The following CCNJ variants were observed in gnomAD, a reference collection of about 807,000 sequenced individuals.
CCNJ encodes the protein cyclin-J.
In CCNJ, 12 loss-of-function variants were observed where a neutral mutation model predicts 41.4. The observed-to-expected ratio is 0.29, with a 90% CI of 0.19 to 0.47. CCNJ has a LOEUF of 0.47. Among genes scored for constraint, CCNJ ranks in the 20% least tolerant of loss-of-function variants. The probability of loss-of-function intolerance (pLI) is 1.00; values close to 1 mark genes in which losing one functional copy is unlikely to be tolerated. For missense variants in CCNJ, 340 were observed against 464.6 expected (o/e 0.73, Z 2.47); for synonymous variants, 161 against 173.4 (o/e 0.93, Z 0.56).
intron 2 of CCNJ, among the ~76,000 whole-genome samples, chr10:96,048,023 G>A (rs936887170): frequency 1.4e-5 from 2 of 142,820 alleles, no homozygotes; most frequent in African/African-American, 5.2e-5. Flanking sequence ...CCACTTATAA[G>A]TGAGAACATG....
intron 3 of CCNJ, among the ~76,000 whole-genome samples, chr10:96,054,757 A>AT (rs974176253): frequency 5.9e-5 from 9 of 152,130 alleles, no homozygotes; most frequent in Middle Eastern, 3.4e-3. Flanking sequence ...GTCATATGCA[A>AT]TTTTTTTTCC....
intron 3 of CCNJ, among the ~76,000 whole-genome samples, chr10:96,055,089 G>A (rs2080644124): frequency 6.6e-6 from 1 of 152,098 alleles, no homozygotes; most frequent in Non-Finnish European, 1.5e-5. Flanking sequence ...GACCACTTTA[G>A]TGCTTTCAAC....
At chr10:96,047,144 T>G (rs764449558) in intron 2 of CCNJ, among the ~76,000 whole-genome samples, 1 of 152,188 alleles carries the variant, frequency 6.6e-6, no homozygotes, top group Non-Finnish European at 1.5e-5. Flanking sequence ...CTGCTAGAGA[T>G]AGGCTTGAGA....
At chr10:96,055,079 G>A (rs1414917) in intron 3 of CCNJ, among the ~76,000 whole-genome samples, 1 of 152,140 alleles carries the variant, frequency 6.6e-6, no homozygotes, top group African/African-American at 2.4e-5. Flanking sequence ...ATGTCATACA[G>A]ACCACTTTAG....
intron 3 of CCNJ, among the ~76,000 whole-genome samples, chr10:96,051,292 T>C (rs376443126): frequency 5.4e-4 from 82 of 152,352 alleles, no homozygotes; most frequent in African/African-American, 1.9e-3. Context: ...GTTGGTACTC[T>C]CACTGAAGAT....
At chr10:96,051,752 C>G (rs947062705) in intron 3 of CCNJ, among the ~76,000 whole-genome samples, 2 of 152,212 alleles carry the variant, frequency 1.3e-5, no homozygotes, top group Admixed American at 1.3e-4. Flanking sequence ...CTAATCTCTT[C>G]TCAGATTTTA....
rs762360873 is a variant in CCNJ at position 96,056,720 on chromosome 10, A to C, written c.300A>C (p.Glu100Asp). Residue 100 changes from glutamate to aspartate, a missense_variant, in exon 4 of 6, where the codon GAA becomes GAC. By Grantham distance (45) the Glu-to-Asp change is conservative (BLOSUM62 2). Around this residue, in one of 3 missense-constraint regions of CCNJ, gnomAD observed 137 missense variants for 252.9 expected, o/e 0.54. Coordinates refer to ENST00000465148, the MANE Select transcript of CCNJ (RefSeq NM_001134375.2). ...TATAAGGTAAATTTGAAGAAAAAGA[A>C]GACAGTGTGCCTAAGCTGGAGCAGC... Reference protein sequence around the residue: ...LLLASKFEEKEDSVPKLEQLN... With the variant: ...LLLASKFEEKDDSVPKLEQLN... 4 of 1,594,728 alleles carry C rather than the reference A, an allele frequency of 2.5e-6. No homozygotes were observed. The highest frequency in any genetic ancestry group is 3.4e-6 in the Non-Finnish European group (4 of 1,172,798).
rs1260246067 is a variant in CCNJ at position 96,056,979 on chromosome 10, T to C, written c.559T>C (p.Phe187Leu). 5.6e-6 allele frequency: 9 copies of C among 1,613,824 alleles called. No homozygotes were observed. Among genetic ancestry groups the C allele is most frequent in the Non-Finnish European group, 7.6e-6 (9 of 1,179,808 alleles). ...KLYMAKYADY[F>L]LEVSLQDYAF... ...CTACATGGCCAAATATGCAGATTAC[T>C]TCCTGGAAGTATCTTTGCAAGGTGG... is the stretch of plus-strand genomic sequence containing the variant. Residue 187 changes from phenylalanine to leucine, a missense_variant, in exon 4 of 6, where the codon TTC becomes CTC. Phe to Leu is a conservative substitution (Grantham distance 22, BLOSUM62 0). Around this residue, in one of 3 missense-constraint regions of CCNJ, gnomAD observed 137 missense variants for 252.9 expected, o/e 0.54. Transcript: ENST00000465148.
chr10:96,043,558 A>G (rs1351023242), upstream of CCNJ: 1 of 394,542 alleles, frequency 2.5e-6, no homozygotes, highest in Non-Finnish European at 4.5e-6. Context: ...CTGGCTTTGT[A>G]TGCGGAGCCG....
chr10:96,060,296 G>A lies in CCNJ; in HGVS notation c.*2055G>A, dbSNP rs1188158893. 1 of 152,608 alleles carries A rather than the reference G, an allele frequency of 6.6e-6. No homozygotes were observed. The highest frequency in any genetic ancestry group is 1.5e-5 in the Non-Finnish European group (1 of 68,044). 9.5% of individuals were successfully genotyped at this position (152,608 alleles called of 1,614,324 possible). A position where few individuals can be genotyped will look rare whatever the true frequency, so the allele number is the denominator to read the frequency against. On this transcript the variant is annotated 3_prime_UTR_variant, in exon 6 of 6. Coordinates refer to ENST00000465148, the MANE Select transcript of CCNJ (RefSeq NM_001134375.2). ...CAGCCAGTGCCTGTGGTAACTTAAT[G>A]TCTTGTCAAATACTTTTATTGATTG...
rs2080776206 is a variant in CCNJ at position 96,059,625 on chromosome 10, G to A, written c.*1384G>A. 1 of 152,512 alleles carries A rather than the reference G, an allele frequency of 6.6e-6. No homozygotes were observed. Among genetic ancestry groups the A allele is most frequent in the Non-Finnish European group, 1.5e-5 (1 of 68,030 alleles). 9.4% of individuals were successfully genotyped at this position (152,512 alleles called of 1,614,324 possible). On this transcript the variant is annotated 3_prime_UTR_variant, in exon 6 of 6. Transcript: ENST00000465148. Reference sequence around the variant, plus strand: ...AAGATTTGGTGGAGGGAAGCTTTCTGGTTTAAAAATTAGTAAGGTGTGTCT... The same window carrying A: ...AAGATTTGGTGGAGGGAAGCTTTCTAGTTTAAAAATTAGTAAGGTGTGTCT...
intron 2 of CCNJ, among the ~76,000 whole-genome samples, chr10:96,047,498 C>T (rs536638352): frequency 3.3e-5 from 5 of 152,118 alleles, no homozygotes; most frequent in East Asian, 1.9e-4. Flanking sequence ...ACTAACTGGG[C>T]GTGGCAGTGA....
At chr10:96,057,772 C>A in intron 5 of CCNJ, 58 bp from the exon 6 acceptor site, 2 of 1,522,916 alleles carry the variant, frequency 1.3e-6, no homozygotes, top group Non-Finnish European at 1.8e-6. Flanking sequence ...GCATGATTTT[C>A]TTGCAGATTT....
At chr10:96,054,073 G>A (rs896582740) in intron 3 of CCNJ, among the ~76,000 whole-genome samples, 1 of 152,116 alleles carries the variant, frequency 6.6e-6, no homozygotes, top group Non-Finnish European at 1.5e-5. Flanking sequence ...CTTTGAAAAT[G>A]TGTTGGTTTC....
chr10:96,046,433 CGTG>C (rs2080365497), intron 2 of CCNJ, among the ~76,000 whole-genome samples: 1 of 152,164 alleles, frequency 6.6e-6, no homozygotes, highest in Non-Finnish European at 1.5e-5. Flanking sequence ...CTAGAAAAGA[CGTG>C]GTAATTCCAG....
At chr10:96,054,966 G>A (rs1251225133) in intron 3 of CCNJ, among the ~76,000 whole-genome samples, 1 of 152,194 alleles carries the variant, frequency 6.6e-6, no homozygotes, top group East Asian at 1.9e-4. Flanking sequence ...TTCATCCAGA[G>A]ACACTGAACT....
rs745546271 is a variant in CCNJ, at chr10:96,056,909, T to C, written c.489T>C (p.Asp163=). 8.7e-6 allele frequency: 14 copies of C among 1,613,996 alleles called. No individual in the cohort carries two copies. The South Asian group carries it at 9.9e-5, about 11-fold the overall frequency. Reference sequence around the variant, plus strand: ...TCTCTGAAGCAGTACACGAAACAGATCTTCATGACGGCTGGCCAATGATTT... The same window carrying C: ...TCTCTGAAGCAGTACACGAAACAGACCTTCATGACGGCTGGCCAATGATTT... ...YYLSEAVHET[D]LHDGWPMICL... is the part of the protein sequence containing the mutation. The change falls in exon 4 of 6, where the codon GAT becomes GAC. Residue 163 remains aspartate, a synonymous_variant. Coordinates refer to ENST00000465148, the MANE Select transcript of CCNJ (RefSeq NM_001134375.2).
Position 96,056,768 on chromosome 10 carries a change from T to C in CCNJ, c.348T>C (p.Thr116=). The C allele has an allele frequency of 6.2e-7, 1 of 1,613,710 alleles. No individual in the cohort carries two copies. Among genetic ancestry groups the C allele is most frequent in the African/African-American group, 1.3e-5 (1 of 75,042 alleles). ...LEQLNSLGCM[T]NMNLVLTKQN... is the part of the protein sequence containing the mutation. ...AGCTCAACAGCCTGGGTTGTATGAC[T>C]AATATGAATCTAGTATTAACAAAAC... Residue 116 remains threonine, a synonymous_variant, in exon 4 of 6, where the codon ACT becomes ACC. Coordinates refer to ENST00000465148, the MANE Select transcript of CCNJ (RefSeq NM_001134375.2).
intron 5 of CCNJ, among the ~76,000 whole-genome samples, 169 bp downstream of exon 5, chr10:96,057,416 G>C (rs1253764401): frequency 6.6e-6 from 1 of 152,180 alleles, no homozygotes; most frequent in Non-Finnish European, 1.5e-5. Context: ...CTCTAGGGAA[G>C]GTGTCATTGT....
Sources: allele counts gnomAD v4.1 joint callset (sites outside exome capture counted in the v4.1 genomes callset), GRCh38; gene constraint gnomAD v4.1.1; regional missense constraint gnomAD v4.1.1; transcripts MANE v1.5; gene names NCBI Gene and HGNC (gene_info 2026-07-23, HGNC 2026-07-21).